SLC25A42: variants seen among roughly 807,000 people sequenced by gnomAD.
The protein encoded by SLC25A42 is solute carrier family 25 member 42.
A neutral mutation model predicts 34.7 loss-of-function variants in SLC25A42; 19 were observed. That is an observed-to-expected ratio of 0.55 (90% confidence interval 0.38 to 0.80). The LOEUF is 0.80. Ranked by LOEUF, SLC25A42 falls within the 30% of genes least tolerant of loss-of-function variation. The pLI, the probability that SLC25A42 is intolerant of heterozygous loss-of-function variation, is 0.00. For missense variants in SLC25A42, 364 were observed against 441.3 expected (o/e 0.82, Z 1.57); for synonymous variants, 205 against 191.2 (o/e 1.07, Z -0.59).
At chr19:19,105,842 C>T (rs2059824259) in intron 5 of SLC25A42, 115 bp downstream of exon 5, 3 of 950,816 alleles carry the variant, frequency 3.2e-6, no homozygotes, top group African/African-American at 1.7e-5. Context: ...CCTGCCTTCC[C>T]TCTTCCCACA....
rs529307843 is a variant in SLC25A42, at chr19:19,110,860, G to C, written c.941G>C (p.Arg314Pro). Residue 314 changes from arginine (R) to proline (P), a missense_variant, in exon 8 of 8, where the codon CGG becomes CCG. By Grantham distance (103) the Arg-to-Pro change is moderately radical (BLOSUM62 -2). Transcript: ENST00000318596. ...TTFDLMQILL[R>P]HLQS ...TTCGACCTCATGCAGATCCTGCTGCGGCACCTGCAGAGCTAGGGGACCCTG... is the reference window on the plus strand; with the variant it reads ...TTCGACCTCATGCAGATCCTGCTGCCGCACCTGCAGAGCTAGGGGACCCTG... 6.2e-7 allele frequency: 1 copy of C among 1,613,842 alleles called. No individual in the cohort carries two copies. The highest frequency in any genetic ancestry group is 2.2e-5 in the East Asian group (1 of 44,870).
In SLC25A42 at chr19:19,108,488, G is replaced by A. The variant is rs373781818; in HGVS notation, c.649+443G>A. ...CACCCAAGCCTGGGAGGTCAAGGCC[G>A]CAGTGAGCTGTGATCTCACTGCTGC... On this transcript the variant is annotated intron_variant, in intron 7 of 7. Transcript: ENST00000318596. Among the ~76,000 whole-genome samples the A allele has an allele frequency of 5.3e-5, 8 of 152,048 alleles. No homozygotes were observed. In the East Asian group the frequency reaches 7.8e-4, roughly 15 times the overall value.
chr19:19,069,935 C>T (rs565331017), intron 1 of SLC25A42, among the ~76,000 whole-genome samples: 19 of 152,152 alleles, frequency 1.2e-4, no homozygotes, highest in Admixed American at 8.5e-4. Flanking sequence ...AAGCGATTCT[C>T]CTGCCTCAGC....
At chr19:19,101,718 G>A (rs1195778330) in intron 2 of SLC25A42, 63 bp from the exon 3 acceptor site, 1 of 1,467,602 alleles carries the variant, frequency 6.8e-7, no homozygotes, top group East Asian at 2.3e-5. Flanking sequence ...GCACTTCTGG[G>A]GCAAGGTCCT....
At chr19:19,070,478 A>G (rs2059624341) in intron 1 of SLC25A42, among the ~76,000 whole-genome samples, 1 of 151,368 alleles carries the variant, frequency 6.6e-6, no homozygotes, top group Non-Finnish European at 1.5e-5. Context: ...TTGTATTTTC[A>G]GTAGAGACAC....
chr19:19,075,620 G>A (rs1406001250), intron 1 of SLC25A42, among the ~76,000 whole-genome samples: 1 of 152,168 alleles, frequency 6.6e-6, no homozygotes, highest in African/African-American at 2.4e-5. Flanking sequence ...GGGGGAGTAC[G>A]AGGTACCTAC....
At chr19:19,098,904 A>T (rs2059779574) in intron 2 of SLC25A42, among the ~76,000 whole-genome samples, 1 of 152,188 alleles carries the variant, frequency 6.6e-6, no homozygotes, top group Non-Finnish European at 1.5e-5. Context: ...AGCCTGGTGG[A>T]CAGAGCAAGA....
At chr19:19,096,783 A>G (rs2059767835) in intron 2 of SLC25A42, among the ~76,000 whole-genome samples, 1 of 152,080 alleles carries the variant, frequency 6.6e-6, no homozygotes, top group African/African-American at 2.4e-5. Flanking sequence ...CTAAAAATAT[A>G]AAAATTAGCC....
chr19:19,102,220 A>G (rs1430364164), intron 3 of SLC25A42, among the ~76,000 whole-genome samples: 3 of 151,982 alleles, frequency 2.0e-5, no homozygotes, highest in Non-Finnish European at 4.4e-5. Context: ...TATGTTAGAC[A>G]GGATGGTCTT....
intron 1 of SLC25A42, among the ~76,000 whole-genome samples, chr19:19,065,732 T>A (rs565993177): frequency 6.6e-6 from 1 of 152,376 alleles, no homozygotes; most frequent in Non-Finnish European, 1.5e-5. Flanking sequence ...TATGTGTGTG[T>A]GTTGTACACA....
rs544564017 is a variant in SLC25A42 at position 19,081,700 on chromosome 19, C to T, written c.-34-14391C>T. Among the ~76,000 whole-genome samples, 150 of 152,280 alleles carry T rather than the reference C, an allele frequency of 9.9e-4. No individual in the cohort carries two copies. Among genetic ancestry groups the T allele is most frequent in the Admixed American group, 2.7e-3 (41 of 15,294 alleles). On this transcript the variant is annotated intron_variant, in intron 1 of 7. Transcript: ENST00000318596. This position sits in a 1 kb window ranked among gnomAD's most constrained non-coding sequence, Gnocchi z 4.5. ...GCAGAACCTGGACAGGCTCCTGAGG[C>T]GCCCGCCACCTCCCTCCACTGCAGC...
intron 1 of SLC25A42, among the ~76,000 whole-genome samples, chr19:19,076,882 G>T (rs764810096): frequency 1.3e-5 from 2 of 152,030 alleles, no homozygotes; most frequent in Non-Finnish European, 2.9e-5. Flanking sequence ...TTGTACTTAC[G>T]TTTCTTAAAA....
chr19:19,102,254 C>A (rs1247936557), intron 3 of SLC25A42, among the ~76,000 whole-genome samples: 2 of 151,902 alleles, frequency 1.3e-5, no homozygotes, highest in Admixed American at 6.6e-5. Flanking sequence ...CGTAATCCGC[C>A]CGCCTCGGCC....
intron 6 of SLC25A42, 33 bp downstream of exon 6, chr19:19,106,418 C>G: frequency 1.3e-6 from 2 of 1,558,816 alleles, no homozygotes; most frequent in Non-Finnish European, 1.8e-6. Flanking sequence ...CGCATCAGCC[C>G]CGGGGGCTCT....
intron 6 of SLC25A42, among the ~76,000 whole-genome samples, chr19:19,107,686 C>T (rs1281561622): frequency 5.3e-5 from 8 of 152,106 alleles, no homozygotes; most frequent in Admixed American, 2.6e-4. Context: ...CTTCCCGTGG[C>T]GAAGGTGGAG....
At chr19:19,097,451 G>T (rs1160855708) in intron 2 of SLC25A42, among the ~76,000 whole-genome samples, 1 of 152,204 alleles carries the variant, frequency 6.6e-6, no homozygotes, top group Non-Finnish European at 1.5e-5. Flanking sequence ...GAGAGGAGGG[G>T]GTCTGCAACG....
intron 1 of SLC25A42, among the ~76,000 whole-genome samples, chr19:19,088,087 T>A (rs2059717462): frequency 6.6e-6 from 1 of 152,138 alleles, no homozygotes. Flanking sequence ...TGGGCCACAG[T>A]TTTGTTGCCA....
At chr19:19,098,552 T>C (rs2059777683) in intron 2 of SLC25A42, among the ~76,000 whole-genome samples, 1 of 152,138 alleles carries the variant, frequency 6.6e-6, no homozygotes, top group African/African-American at 2.4e-5. Flanking sequence ...GCTATGATCA[T>C]GCACTTGCAC....
intron 2 of SLC25A42, among the ~76,000 whole-genome samples, chr19:19,099,139 A>T (rs1397686392): frequency 6.6e-6 from 1 of 152,148 alleles, no homozygotes; most frequent in Non-Finnish European, 1.5e-5. Context: ...ACCACCAACA[A>T]GCGCCCGCAA....
Sources: gnomAD v4.1 joint callset for allele counts (sites outside exome capture counted in the v4.1 genomes callset) on GRCh38, gnomAD v4.1.1 for gene constraint, Gnocchi (gnomAD v3.1) non-coding constraint, MANE v1.5 for transcripts, NCBI Gene and HGNC (gene_info 2026-07-23, HGNC 2026-07-21) for gene names.